Variants in ARMCX4 observed in about 807,000 individuals in gnomAD.
ARMCX4 encodes armadillo repeat-containing X-linked protein 4.
Under a neutral mutation model 34.7 loss-of-function variants are expected in ARMCX4, and 3 were observed. The observed-to-expected ratio is 0.09, with a 90% CI of 0.04 to 0.22. ARMCX4 has a LOEUF of 0.22. ARMCX4 is among the 10% of genes least tolerant of loss of function. The pLI is 1.00. For missense variants in ARMCX4, 1,448 were observed against 1,720.8 expected (o/e 0.84, Z 2.81); for synonymous variants, 513 against 632.8 (o/e 0.81, Z 2.84).
intron 3 of ARMCX4, 49 bp downstream of exon 3, chrX:101,487,321 C>T (rs1167375929): frequency 6.9e-6 from 1 of 144,459 alleles, no homozygotes; most frequent in Non-Finnish European, 1.4e-5. Context: ...AGAGGGTGGG[C>T]ATAGGAGGTG....
chrX:101,442,039 C>G (rs781788945), intron 2 of ARMCX4, among the ~76,000 whole-genome samples: 1 of 112,194 alleles, frequency 8.9e-6, no homozygotes, highest in South Asian at 3.7e-4. Context: ...TCATTTATTC[C>G]TGCATTTTTT....
downstream of ARMCX4, among the ~76,000 whole-genome samples, chrX:101,451,546 T>A (rs1409949980): frequency 1.0e-5 from 1 of 100,285 alleles, no homozygotes; most frequent in Non-Finnish European, 2.0e-5. Flanking sequence ...AGTACTCACC[T>A]GATTTTTAGT....
rs1036088871 is a variant in ARMCX4, at chrX:101,490,573, G to A, written c.1984G>A (p.Glu662Lys). Reference protein sequence around the residue: ...PNVVLKAEVGEGAMGTAQLQI... With the variant: ...PNVVLKAEVGKGAMGTAQLQI... ...TGTTGTGCTTAAGGCAGAAGTTGGGGAAGGTGCAATGGGCACTGCCCAGCT... is the reference window on the plus strand; with the variant it reads ...TGTTGTGCTTAAGGCAGAAGTTGGGAAAGGTGCAATGGGCACTGCCCAGCT... The change falls in exon 6 of 6, where the codon GAA (glutamate) becomes AAA (lysine). Residue 662 changes from glutamate (E) to lysine (K), a missense_variant. By Grantham distance (56) the Glu-to-Lys change is moderately conservative. Coordinates refer to ENST00000423738, the MANE Select transcript of ARMCX4 (RefSeq NM_001256155.3). The A allele has an allele frequency of 1.5e-5, 17 of 1,156,171 alleles. No homozygotes were observed. The highest frequency in any genetic ancestry group is 1.9e-5 in the Non-Finnish European group (17 of 872,945).
chrX:101,439,109 C>T lies in ARMCX4; in HGVS notation n.165-4943C>T, dbSNP rs782727683. Among the ~76,000 whole-genome samples the T allele has an allele frequency of 4.6e-4, 51 of 111,854 alleles. 2 individuals are homozygous for T. The South Asian group carries it at 0.01, about 23-fold the overall frequency. The stretch of plus-strand genomic sequence containing the variant: ...GGCATGTTTTTGCAGTGGCTGGTAC[C>T]GGTTGTTCCTTTCCATGTTTAGTGC... On this transcript the variant is annotated intron_variant and non_coding_transcript_variant, in intron 2 of 3. Coordinates refer to the ARMCX4 transcript ENST00000430461.
intron 4 of ARMCX4, among the ~76,000 whole-genome samples, chrX:101,478,110 A>C (rs946312990): frequency 8.9e-6 from 1 of 112,218 alleles, no homozygotes; most frequent in Non-Finnish European, 1.9e-5. Context: ...CACCTTTACT[A>C]TTCAACATTA....
At chrX:101,450,603 C>T (rs1292048034), downstream of ARMCX4, among the ~76,000 whole-genome samples, 2 of 111,906 alleles carry the variant, frequency 1.8e-5, no homozygotes, top group Non-Finnish European at 3.8e-5. Context: ...AGAAAGTTCT[C>T]TTTACTTTTC....
At chrX:101,431,734 G>A (rs972197735) in intron 2 of ARMCX4, among the ~76,000 whole-genome samples, 2 of 111,120 alleles carry the variant, frequency 1.8e-5, no homozygotes, top group Admixed American at 9.6e-5. Flanking sequence ...TAATAGAGAT[G>A]GGGTTTCATT....
chrX:101,478,646 A>G (rs1464060052), intron 4 of ARMCX4, among the ~76,000 whole-genome samples: 1 of 111,856 alleles, frequency 8.9e-6, no homozygotes, highest in Non-Finnish European at 1.9e-5. Flanking sequence ...TCTAAACAAG[A>G]AAAAAGCGTA....
chrX:101,526,615 C>T (rs782181150), intron 11 of ARMCX4, among the ~76,000 whole-genome samples: 4 of 111,573 alleles, frequency 3.6e-5, no homozygotes, highest in South Asian at 3.8e-4. Flanking sequence ...CACACGTAGG[C>T]TCAAAATAAA....
chrX:101,507,419 T>C (rs782318707), intron 8 of ARMCX4, among the ~76,000 whole-genome samples: 2 of 111,950 alleles, frequency 1.8e-5, no homozygotes, highest in Non-Finnish European at 1.9e-5. Context: ...TTGGCATCTA[T>C]TATATATTAT....
intron 2 of ARMCX4, among the ~76,000 whole-genome samples, chrX:101,440,354 G>C (rs1931193303): frequency 9.0e-6 from 1 of 111,490 alleles, no homozygotes; most frequent in Admixed American, 9.5e-5. Flanking sequence ...TCTCAGAGGA[G>C]TACCCGGCCG....
At chrX:101,426,903 T>C (rs1046773294) in intron 2 of ARMCX4, among the ~76,000 whole-genome samples, 10 of 112,153 alleles carry the variant, frequency 8.9e-5, no homozygotes, top group African/African-American at 2.6e-4. Context: ...AACATAGATC[T>C]GTATAATCAC....
At chrX:101,533,746 G>A (rs1445549975), downstream of ARMCX4, among the ~76,000 whole-genome samples, 2 of 111,858 alleles carry the variant, frequency 1.8e-5, no homozygotes, top group African/African-American at 6.5e-5. Flanking sequence ...TCATGTTTAA[G>A]GGATAAACAC....
chrX:101,440,829 A>C (rs1029382364), intron 2 of ARMCX4, among the ~76,000 whole-genome samples: 1 of 111,450 alleles, frequency 9.0e-6, no homozygotes, highest in Non-Finnish European at 1.9e-5. Flanking sequence ...GGAAAAGCGT[A>C]GTATTATGGT....
intron 4 of ARMCX4, among the ~76,000 whole-genome samples, chrX:101,475,470 G>A (rs1224737178): frequency 9.0e-6 from 1 of 111,271 alleles, no homozygotes; most frequent in African/African-American, 3.3e-5. Flanking sequence ...GCAGTGGGCG[G>A]CGGGGAGGGG....
At chrX:101,463,942 G>A (rs967790144) in intron 4 of ARMCX4, among the ~76,000 whole-genome samples, 18 of 110,294 alleles carry the variant, frequency 1.6e-4, no homozygotes, top group African/African-American at 5.9e-4. Flanking sequence ...ATTTTTGGTA[G>A]AGATAAGGTT....
intron 12 of ARMCX4, chrX:101,532,617 A>G (rs1935151448): frequency 9.0e-6 from 1 of 111,339 alleles, no homozygotes; most frequent in African/African-American, 3.3e-5. Context: ...GGGAAAGTGC[A>G]GAAATTCAAT....
chrX:101,498,023 A>G, downstream of ARMCX4: 1 of 251,590 alleles, frequency 4.0e-6, no homozygotes, highest in Non-Finnish European at 7.5e-6. Context: ...CCCCAAGGTT[A>G]CACCCCCTAC....
chrX:101,498,120 T>C (rs1934220145), downstream of ARMCX4: 1 of 328,162 alleles, frequency 3.0e-6, no homozygotes, highest in Non-Finnish European at 5.9e-6. Context: ...TGTCCAATCC[T>C]GCTTCCTTCT....
Sources: allele counts gnomAD v4.1 joint callset (sites outside exome capture counted in the v4.1 genomes callset), GRCh38; gene constraint gnomAD v4.1.1; transcripts MANE v1.5; gene names NCBI Gene and HGNC (gene_info 2026-07-23, HGNC 2026-07-21).